THRA: variants seen among roughly 807,000 people sequenced by gnomAD.
THRA encodes thyroid hormone receptor alpha.
Under a neutral mutation model 45.0 loss-of-function variants are expected in THRA, and 13 were observed. The observed-to-expected ratio is 0.29, with a 90% CI of 0.19 to 0.46. THRA has a LOEUF of 0.46. Among genes scored for constraint, THRA ranks in the 20% least tolerant of loss-of-function variants. The pLI is 1.00. For synonymous variants in THRA, 195 were observed against 214.0 expected, an observed-to-expected ratio of 0.91 and a Z score of 0.78; for missense variants, 278 against 556.1, an observed-to-expected ratio of 0.50 and a Z score of 5.03.
At position 40,089,131 on chromosome 17, in the gene THRA, G is replaced by A. The variant is rs565950036; in HGVS notation, c.983-75G>A. ...CTCCCCTCTAGTCCTTTCTTCCCAC[G>A]TCCCCACACCTCACCCTCCCCATCT... is the stretch of plus-strand genomic sequence containing the variant. On this transcript the variant is annotated intron_variant, in intron 8 of 8. Transcript: ENST00000450525. This position sits in a 1 kb window ranked among gnomAD's most constrained non-coding sequence, Gnocchi z 6.1. 4.8e-5 allele frequency: 70 copies of A among 1,451,264 alleles called. No homozygotes were observed. The highest frequency in any genetic ancestry group is 1.4e-4 in the Admixed American group (8 of 56,792). The allele number at this position is 1,451,264 out of a possible 1,614,324, so 89.9% of individuals were successfully genotyped here.
chr17:40,066,800 C>T (rs959330584), intron 1 of THRA, among the ~76,000 whole-genome samples: 4 of 152,124 alleles, frequency 2.6e-5, no homozygotes, highest in Admixed American at 6.5e-5. Context: ...CTGCCTAGGT[C>T]TGAATCCCAG....
At chr17:40,093,857 G>T, downstream of THRA, 1 of 1,533,202 alleles carries the variant, frequency 6.5e-7, no homozygotes. The surrounding 1 kb of genome is among the most constrained non-coding windows in gnomAD (Gnocchi z 5.9). Flanking sequence ...TAAAAGGTGT[G>T]TTGAATTGAA....
chr17:40,082,419 ACT>A (rs1987171787), intron 4 of THRA, among the ~76,000 whole-genome samples: 1 of 146,268 alleles, frequency 6.8e-6, no homozygotes, highest in South Asian at 2.2e-4. Flanking sequence ...ATGAAGTCTC[ACT>A]CTTGTCACCC....
At position 40,088,517 on chromosome 17, in the gene THRA, C is replaced by T. The variant is rs372195065; in HGVS notation, c.982+17C>T. The T allele has an allele frequency of 2.6e-4, 420 of 1,598,888 alleles. No homozygotes were observed. Among genetic ancestry groups the T allele is most frequent in the Non-Finnish European group, 3.5e-4 (408 of 1,169,294 alleles). On this transcript the variant is annotated intron_variant, in intron 8 of 8. Transcript: ENST00000450525. ...TGTCAACAGGTACCTGCTGATTAGT[C>T]GGGAGGGCTCAGAAGCTTCCAGGGG...
At chr17:40,087,844 C>T (rs1261174913) in intron 7 of THRA, among the ~76,000 whole-genome samples, 2 of 152,142 alleles carry the variant, frequency 1.3e-5, no homozygotes, top group Non-Finnish European at 2.9e-5. Context: ...CTGCAACCTC[C>T]GCCTCCTGAG....
intron 1 of THRA, among the ~76,000 whole-genome samples, chr17:40,065,803 AC>A (rs1986539370): frequency 2.0e-5 from 3 of 149,924 alleles, no homozygotes; most frequent in Admixed American, 6.6e-5. Context: ...GCCCATGCTG[AC>A]CCCTCGGGCC....
At chr17:40,085,645 A>G (rs1358532749) in intron 6 of THRA, among the ~76,000 whole-genome samples, 1 of 138,118 alleles carries the variant, frequency 7.2e-6, no homozygotes, top group Admixed American at 7.3e-5. Context: ...TCTATGAATA[A>G]TTTTTTTTTT....
chr17:40,086,658 A>C (rs377731437), intron 6 of THRA, 49 bp from the exon 7 acceptor site: 129 of 1,591,790 alleles, frequency 8.1e-5, no homozygotes, highest in Non-Finnish European at 1.0e-4. Context: ...CCTCAGTGAG[A>C]GGCTGAAAGG....
intron 2 of THRA, among the ~76,000 whole-genome samples, chr17:40,075,600 T>C (rs939348): frequency 0.7 from 106,260 of 152,158 alleles, 37,420 homozygotes; most frequent in Non-Finnish European, 0.72. Flanking sequence ...GAGTCTGTGC[T>C]TAATGTTTGG....
At chr17:40,068,203 C>G (rs953430198) in intron 1 of THRA, among the ~76,000 whole-genome samples, 1 of 152,178 alleles carries the variant, frequency 6.6e-6, no homozygotes, top group Non-Finnish European at 1.5e-5. Flanking sequence ...ATTCACTAGT[C>G]GTATGACTTT....
chr17:40,079,358 C>T (rs1015583567), intron 4 of THRA, among the ~76,000 whole-genome samples: 4 of 152,110 alleles, frequency 2.6e-5, no homozygotes, highest in Non-Finnish European at 5.9e-5. Flanking sequence ...GCAATTCTCC[C>T]TGCTTCAGCA....
intron 2 of THRA, among the ~76,000 whole-genome samples, chr17:40,075,483 C>G (rs1401305780): frequency 3.3e-5 from 5 of 152,346 alleles, no homozygotes; most frequent in South Asian, 4.1e-4. Flanking sequence ...CTCCCCTCCC[C>G]CAAAGCCTCA....
intron 1 of THRA, among the ~76,000 whole-genome samples, chr17:40,065,387 G>A (rs1986517284): frequency 1.3e-5 from 2 of 152,092 alleles, no homozygotes; most frequent in Non-Finnish European, 2.9e-5. Context: ...AGAGGCCATC[G>A]GCTGGCGAGT....
intron 4 of THRA, among the ~76,000 whole-genome samples, chr17:40,083,623 C>T (rs77556989): frequency 6.6e-6 from 1 of 152,234 alleles, no homozygotes; most frequent in Non-Finnish European, 1.5e-5. Context: ...CCAGACACCC[C>T]CAACCCCTCA....
At position 40,090,991 on chromosome 17, in the gene THRA, C is replaced by T. The variant is rs1987513542; in HGVS notation, c.*1535C>T. 1 of 152,352 alleles carries T rather than the reference C, an allele frequency of 6.6e-6. No individual in the cohort carries two copies. Among genetic ancestry groups the T allele is most frequent in the Non-Finnish European group, 1.5e-5 (1 of 68,286 alleles). 9.4% of individuals were successfully genotyped at this position (152,352 alleles called of 1,614,324 possible). ...GGGAGAGAGGGAGAGAGGAGGTGGT[C>T]CTCCCATGGGAGCAGGAGGTGGGGT... On this transcript the variant is annotated 3_prime_UTR_variant, in exon 9 of 9. Coordinates refer to ENST00000450525, the MANE Select transcript of THRA (RefSeq NM_199334.5).
intron 6 of THRA, among the ~76,000 whole-genome samples, chr17:40,085,428 G>T (rs1388834012): frequency 6.6e-6 from 1 of 151,990 alleles, no homozygotes; most frequent in Non-Finnish European, 1.5e-5. Context: ...CCGCCTCCTG[G>T]GTTCAAGCGA....
At chr17:40,072,717 A>T (rs943146453) in intron 1 of THRA, among the ~76,000 whole-genome samples, 5 of 151,268 alleles carry the variant, frequency 3.3e-5, no homozygotes, top group Admixed American at 2.0e-4. Context: ...GGCTGAGAGC[A>T]TTAGGCCCCA....
intron 4 of THRA, among the ~76,000 whole-genome samples, chr17:40,079,538 T>C (rs1442854879): frequency 6.6e-6 from 1 of 152,176 alleles, no homozygotes; most frequent in African/African-American, 2.4e-5. Flanking sequence ...GATTTCACTT[T>C]GATCATTTCA....
At chr17:40,077,920 A>T (rs750418399) in intron 4 of THRA, among the ~76,000 whole-genome samples, 4 of 151,524 alleles carry the variant, frequency 2.6e-5, no homozygotes, top group Non-Finnish European at 5.9e-5. Context: ...CTGGTCTCGA[A>T]CTCCTGACCT....
Sources: allele counts gnomAD v4.1 joint callset (sites outside exome capture counted in the v4.1 genomes callset), GRCh38; gene constraint gnomAD v4.1.1; non-coding constraint Gnocchi (gnomAD v3.1); transcripts MANE v1.5; gene names NCBI Gene and HGNC (gene_info 2026-07-23, HGNC 2026-07-21).